Variants in LYST observed in about 807,000 individuals in gnomAD.
The protein encoded by LYST is lysosomal-trafficking regulator.
In LYST, 192 loss-of-function variants were observed where a neutral mutation model predicts 413.6. The ratio of observed to expected loss-of-function variants is 0.46; its 90% CI spans 0.41 to 0.52. The LOEUF (loss-of-function observed/expected upper bound fraction) is 0.52. Among genes scored for constraint, LYST ranks in the 20% least tolerant of loss-of-function variants. The probability of loss-of-function intolerance (pLI) is 0.00; values close to 1 mark genes in which losing one functional copy is unlikely to be tolerated. For missense variants in LYST, 3,815 were observed against 4,499.9 expected, an observed-to-expected ratio of 0.85 and a Z score of 4.35; for synonymous variants, 1,525 against 1,567.3, an observed-to-expected ratio of 0.97 and a Z score of 0.64.
intron 15 of LYST, 62 bp from the exon 16 acceptor site, chr1:235,781,117 AG>A: frequency 9.9e-7 from 1 of 1,013,556 alleles, no homozygotes. Flanking sequence ...TTTCATAAAA[AG>A]CAAGAAACCA....
intron 14 of LYST, 93 bp from the exon 15 acceptor site, chr1:235,782,180 CTTT>C (rs552690643): frequency 3.2e-3 from 2,572 of 811,954 alleles, no homozygotes; most frequent in Middle Eastern, 4.0e-3. Context: ...ATGGGGAATT[CTTT>C]TTTTTTTTTT....
intron 1 of LYST, among the ~76,000 whole-genome samples, chr1:235,837,794 T>A (rs1409170513): frequency 6.6e-6 from 1 of 151,838 alleles, no homozygotes; most frequent in Non-Finnish European, 1.5e-5. Context: ...AAACAGCTCT[T>A]TTGAGAAGTT....
intron 48 of LYST, among the ~76,000 whole-genome samples, chr1:235,677,981 A>C (rs114464102): frequency 0.017 from 2,533 of 152,262 alleles, 30 homozygotes; most frequent in Middle Eastern, 0.034. Flanking sequence ...ATAATATTCT[A>C]TACAGTTAGT....
intron 24 of LYST, among the ~76,000 whole-genome samples, chr1:235,756,021 A>G: frequency 8.5e-6 from 1 of 117,406 alleles, no homozygotes; most frequent in Non-Finnish European, 2.0e-5. Flanking sequence ...ATCTATATCT[A>G]TATCTATATC....
At chr1:235,805,452 G>A (rs73108815) in intron 6 of LYST, among the ~76,000 whole-genome samples, 2,392 of 152,092 alleles carry the variant, frequency 0.016, 64 homozygotes, top group African/African-American at 0.054. Context: ...GGAGTTCTGG[G>A]CAGGGCAGCC....
At chr1:235,798,130 C>T (rs1671759724) in intron 10 of LYST, among the ~76,000 whole-genome samples, 1 of 152,044 alleles carries the variant, frequency 6.6e-6, no homozygotes, top group African/African-American at 2.4e-5. Context: ...ACCAGTACCC[C>T]TCAAAACTGT....
chr1:235,709,085 A>T lies in LYST; in HGVS notation c.10143+6T>A. 1 of 1,612,244 alleles carries T rather than the reference A, an allele frequency of 6.2e-7. No homozygotes were observed. The highest frequency in any genetic ancestry group is 8.5e-7 in the Non-Finnish European group (1 of 1,178,270). On this transcript the variant is annotated splice_donor_region_variant and intron_variant, in intron 44 of 52. Coordinates refer to ENST00000389793, the MANE Select transcript of LYST (RefSeq NM_000081.4). ...AAATACAGATTGTTTTAAAAGAGTC[A>T]CTTACAGCAGGATGAAAAACATTGA...
At chr1:235,788,647 C>A in intron 13 of LYST, 54 bp downstream of exon 13, 1 of 1,542,066 alleles carries the variant, frequency 6.5e-7, no homozygotes, top group Non-Finnish European at 8.9e-7. Context: ...ATGTCTCTTA[C>A]ACAAATTATT....
intron 46 of LYST, among the ~76,000 whole-genome samples, chr1:235,693,806 T>C (rs1272007703): frequency 6.6e-6 from 1 of 152,154 alleles, no homozygotes; most frequent in African/African-American, 2.4e-5. Flanking sequence ...CTGAGACACC[T>C]TTTCTTTTAA....
chr1:235,692,578 T>G (rs1465488324), intron 47 of LYST, among the ~76,000 whole-genome samples: 2 of 151,908 alleles, frequency 1.3e-5, no homozygotes, highest in Admixed American at 6.5e-5. Flanking sequence ...GAGATGGGTT[T>G]TCCCCGTGTT....
intron 47 of LYST, among the ~76,000 whole-genome samples, chr1:235,691,194 A>G (rs1229031129): frequency 6.6e-6 from 1 of 152,176 alleles, no homozygotes; most frequent in Non-Finnish European, 1.5e-5. Context: ...CTGGGATAAC[A>G]GGCTTGAGCC....
intron 1 of LYST, among the ~76,000 whole-genome samples, chr1:235,862,637 A>G (rs1414508833): frequency 2.0e-5 from 3 of 152,084 alleles, no homozygotes; most frequent in African/African-American, 4.8e-5. Flanking sequence ...GTCTACTAAA[A>G]TTACAAAAAT....
chr1:235,721,720 C>T (rs149469753), intron 39 of LYST, among the ~76,000 whole-genome samples: 214 of 152,082 alleles, frequency 1.4e-3, no homozygotes, highest in African/African-American at 4.9e-3. Flanking sequence ...CTGAAGTTTG[C>T]CAATTGTTAG....
At chr1:235,696,912 ACT>A (rs994894525) in intron 46 of LYST, among the ~76,000 whole-genome samples, 169 bp downstream of exon 46, 8 of 152,124 alleles carry the variant, frequency 5.3e-5, no homozygotes, top group Admixed American at 1.3e-4. Flanking sequence ...ACTGCATTTA[ACT>A]CTCTGTTTTT....
intron 31 of LYST, among the ~76,000 whole-genome samples, chr1:235,739,622 GA>G (rs58295679): frequency 0.28 from 39,535 of 140,714 alleles, 8,923 homozygotes; most frequent in African/African-American, 0.63. Flanking sequence ...AAAAAAAATA[GA>G]AAAAAAAAAA....
intron 7 of LYST, among the ~76,000 whole-genome samples, chr1:235,803,702 A>C (rs1672499014): frequency 6.6e-6 from 1 of 152,200 alleles, no homozygotes; most frequent in Non-Finnish European, 1.5e-5. Flanking sequence ...TGTAACAACA[A>C]TAAAAGGTAG....
At position 235,766,210 on chromosome 1, in the gene LYST, G is replaced by C; in HGVS notation, c.5990C>G (p.Ala1997Gly). Residue 1997 changes from alanine (A) to glycine (G), a missense_variant, in exon 21 of 53, where the codon GCA becomes GGA. This residue lies in a region of LYST where 530 missense variants were observed against 696.5 expected (regional missense o/e 0.76). Coordinates refer to ENST00000389793, the MANE Select transcript of LYST (RefSeq NM_000081.4). ...EVCRSFVKII[A>G]EVLGSPPDLE... ...ATCTGGAGGAGATCCAAGGACTTCT[G>C]CTATAATTTTCACAAATGATCTACA... The C allele has an allele frequency of 6.2e-7, 1 of 1,613,282 alleles. No individual in the cohort carries two copies. Among genetic ancestry groups the C allele is most frequent in the Middle Eastern group, 1.7e-4 (1 of 6,056 alleles).
intron 1 of LYST, among the ~76,000 whole-genome samples, chr1:235,840,418 G>C (rs1677084176): frequency 6.6e-6 from 1 of 152,160 alleles, no homozygotes; most frequent in Non-Finnish European, 1.5e-5. Context: ...TGGAGGGAGT[G>C]GCTGGCAAAG....
intron 50 of LYST, among the ~76,000 whole-genome samples, chr1:235,670,645 ACC>A (rs1558100071): frequency 1.2e-4 from 19 of 152,320 alleles, no homozygotes; most frequent in Non-Finnish European, 2.5e-4. Context: ...CTGTGCACAG[ACC>A]AAGGTAAGAA....
Sources: gnomAD v4.1 joint callset for allele counts (sites outside exome capture counted in the v4.1 genomes callset) on GRCh38, gnomAD v4.1.1 for gene constraint, gnomAD v4.1.1 regional missense constraint, MANE v1.5 for transcripts, NCBI Gene and HGNC (gene_info 2026-07-23, HGNC 2026-07-21) for gene names.